Variants in CASP10 observed in about 807,000 individuals in gnomAD.
The protein encoded by CASP10 is caspase-10.
A neutral mutation model predicts 48.5 loss-of-function variants in CASP10; 41 were observed. That is an observed-to-expected ratio of 0.85 (90% CI 0.66 to 1.10). CASP10 has a LOEUF of 1.10. Ranked by LOEUF, CASP10 falls within the 50% of genes least tolerant of loss-of-function variation. CASP10 has a pLI of 0.00. For missense variants in CASP10, 614 were observed against 614.5 expected (o/e 1.00, Z 0.01); for synonymous variants, 232 against 238.4 (o/e 0.97, Z 0.25).
chr2:201,213,944 C>T (rs563182542), intron 9 of CASP10: 7 of 152,236 alleles, frequency 4.6e-5, no homozygotes, highest in South Asian at 4.1e-4. Context: ...TTTGTGTAGC[C>T]GCCCAATTTT....
At chr2:201,201,044 TTTA>T (rs1460536091) in intron 5 of CASP10, among the ~76,000 whole-genome samples, 1 of 151,952 alleles carries the variant, frequency 6.6e-6, no homozygotes, top group Non-Finnish European at 1.5e-5. Context: ...CCAGAAGCTC[TTTA>T]TTATTTTATT....
rs1576147794 is a variant in CASP10 at position 201,217,813 on chromosome 2, A to T, written c.*72A>T. On this transcript the variant is annotated 3_prime_UTR_variant, in exon 10 of 10. Transcript: ENST00000286186. ...TAACCTCCAGCCTCCTGCCCAGCAC[A>T]GGAATCGGTGGTCTCCACCTGTCAT... 6.2e-7 allele frequency: 1 copy of T among 1,612,718 alleles called. No homozygotes were observed. Among genetic ancestry groups the T allele is most frequent in the East Asian group, 2.2e-5 (1 of 44,802 alleles).
intron 7 of CASP10, among the ~76,000 whole-genome samples, chr2:201,207,309 G>T (rs1260946017): frequency 6.6e-6 from 1 of 152,156 alleles, no homozygotes; most frequent in East Asian, 1.9e-4. Context: ...ACCCCAAGGG[G>T]TTTAGACTAG....
At chr2:201,189,412 G>A (rs1944529623) in intron 3 of CASP10, among the ~76,000 whole-genome samples, 1 of 151,826 alleles carries the variant, frequency 6.6e-6, no homozygotes, top group Non-Finnish European at 1.5e-5. Flanking sequence ...GGGATTACAA[G>A]CAGGCACCAC....
rs1233308777 is a variant in CASP10, at chr2:201,218,815, G to A, written c.*1074G>A. 1.0e-6 allele frequency: 1 copy of A among 985,316 alleles called. No individual in the cohort carries two copies. The highest frequency in any genetic ancestry group is 1.2e-6 in the Non-Finnish European group (1 of 829,972). The allele number at this position is 985,316 out of a possible 1,614,324, so 61.0% of individuals were successfully genotyped here. A position where few individuals can be genotyped will look rare whatever the true frequency, so the allele number is the denominator to read the frequency against. On this transcript the variant is annotated 3_prime_UTR_variant, in exon 10 of 10. Coordinates refer to ENST00000286186, the MANE Select transcript of CASP10 (RefSeq NM_032977.4). ...ACTTCTCTTTTGCACATCTAGTGAG[G>A]TGAAAATTTGGTCTATGCCAGGCCC...
exon 10 of CASP10, chr2:201,229,167 C>G (rs1945829624): frequency 1.9e-6 from 3 of 1,539,860 alleles, no homozygotes; most frequent in Non-Finnish European, 2.7e-6. Flanking sequence ...GGAAACCTCC[C>G]TTTACAGCAC....
chr2:201,205,051 G>C (rs1350310542), intron 6 of CASP10, among the ~76,000 whole-genome samples: 1 of 152,052 alleles, frequency 6.6e-6, no homozygotes, highest in Non-Finnish European at 1.5e-5. Flanking sequence ...ACTGTTTGAT[G>C]TTACATTTTC....
chr2:201,217,696 G>T lies in CASP10; in HGVS notation c.1524G>T (p.Arg508Ser). ...TGCCCCAGCCTGCTTTCACACTAAG[G>T]AAAAAACTAGTATTCCCTGTGCCCC... ...KQMPQPAFTL[R>S]KKLVFPVPLD... The change falls in exon 10 of 10, where the codon AGG (arginine) becomes AGT (serine). Residue 508 changes from arginine (R) to serine (S), a missense_variant. Arg to Ser is a moderately radical substitution (Grantham distance 110, BLOSUM62 -1). Transcript: ENST00000286186. 1 of 1,614,088 alleles carries T rather than the reference G, an allele frequency of 6.2e-7. No homozygotes were observed. Among genetic ancestry groups the T allele is most frequent in the Non-Finnish European group, 8.5e-7 (1 of 1,179,988 alleles).
intron 5 of CASP10, chr2:201,200,689 G>A: frequency 7.4e-7 from 1 of 1,345,612 alleles, no homozygotes; most frequent in Non-Finnish European, 9.5e-7. Flanking sequence ...GATCTTAAGA[G>A]ATTAAGTACA....
At chr2:201,210,905 A>G (rs930643769) in intron 9 of CASP10, among the ~76,000 whole-genome samples, 6 of 152,220 alleles carry the variant, frequency 3.9e-5, no homozygotes, top group African/African-American at 1.4e-4. Context: ...GTATACATGC[A>G]TGATTAAGCA....
intron 9 of CASP10, among the ~76,000 whole-genome samples, chr2:201,228,349 A>G (rs76008653): frequency 8.5e-5 from 13 of 152,254 alleles, no homozygotes; most frequent in African/African-American, 2.6e-4. Flanking sequence ...TAAAAAAAAA[A>G]TTCCTTAGAA....
At chr2:201,199,465 A>G (rs1944931277) in intron 5 of CASP10, among the ~76,000 whole-genome samples, 1 of 152,144 alleles carries the variant, frequency 6.6e-6, no homozygotes. Flanking sequence ...AGCCTGGGCA[A>G]CATAGTGAGA....
intron 5 of CASP10, among the ~76,000 whole-genome samples, chr2:201,199,866 G>A (rs763724526): frequency 3.3e-5 from 5 of 152,066 alleles, no homozygotes. Context: ...GAGCCACCAT[G>A]CTTGGCATAG....
chr2:201,199,722 G>A (rs1182327168), intron 5 of CASP10, among the ~76,000 whole-genome samples: 1 of 151,638 alleles, frequency 6.6e-6, no homozygotes, highest in Non-Finnish European at 1.5e-5. Context: ...TTACAGGCAT[G>A]CACCACCACA....
chr2:201,219,809 G>A lies in CASP10; in HGVS notation c.*2068G>A. The A allele has an allele frequency of 1.2e-5, 12 of 981,296 alleles. No homozygotes were observed. The highest frequency in any genetic ancestry group is 1.8e-5 in the African/African-American group (1 of 55,646). The allele number at this position is 981,296 out of a possible 1,614,324, so 60.8% of individuals were successfully genotyped here. On this transcript the variant is annotated 3_prime_UTR_variant, in exon 10 of 10. Coordinates refer to ENST00000286186, the MANE Select transcript of CASP10 (RefSeq NM_032977.4). ...GTGAGCCCTCATAGGGAGATCCAAA[G>A]TCCTGTGGTTAACGCCTTCATTTAT... is the stretch of plus-strand genomic sequence containing the variant.
At chr2:201,185,737 C>G (rs1160034246) in intron 1 of CASP10, 34 bp from the exon 2 acceptor site, 6 of 1,437,212 alleles carry the variant, frequency 4.2e-6, no homozygotes, top group Middle Eastern at 3.5e-4. Flanking sequence ...TCCTCACTCT[C>G]TAACTCCCTG....
intron 3 of CASP10, among the ~76,000 whole-genome samples, chr2:201,192,116 C>T (rs896079138): frequency 1.3e-5 from 2 of 152,134 alleles, no homozygotes; most frequent in African/African-American, 4.8e-5. Flanking sequence ...AGTTTCTGGC[C>T]TGGCAGGGTG....
chr2:201,188,773 C>T (rs1305103950), intron 3 of CASP10, among the ~76,000 whole-genome samples: 1 of 152,018 alleles, frequency 6.6e-6, no homozygotes, highest in Non-Finnish European at 1.5e-5. Context: ...TCAGGAGGTA[C>T]CTGATTTTCT....
rs1363248643 is a variant in CASP10 at position 201,221,358 on chromosome 2, T to C, written c.*3617T>C. On this transcript the variant is annotated 3_prime_UTR_variant, in exon 10 of 10. Coordinates refer to ENST00000286186, the MANE Select transcript of CASP10 (RefSeq NM_032977.4). ...TCATATCCCTTGTGACCTGCACATA[T>C]ATATCCAGATGGCCTGAAGTAACTG... The C allele has an allele frequency of 2.4e-6, 2 of 841,686 alleles. No homozygotes were observed. The highest frequency in any genetic ancestry group is 6.2e-5 in the Admixed American group (1 of 16,088). 52.1% of individuals were successfully genotyped at this position (841,686 alleles called of 1,614,324 possible).
Sources: gnomAD v4.1 joint callset for allele counts (sites outside exome capture counted in the v4.1 genomes callset) on GRCh38, gnomAD v4.1.1 for gene constraint, MANE v1.5 for transcripts, NCBI Gene and HGNC (gene_info 2026-07-23, HGNC 2026-07-21) for gene names.